The following SH3RF3 variants were observed in gnomAD, a reference collection of about 807,000 sequenced individuals.
The protein encoded by SH3RF3 is E3 ubiquitin-protein ligase SH3RF3.
A neutral mutation model predicts 66.3 loss-of-function variants in SH3RF3; 29 were observed. The observed-to-expected ratio is 0.44, with a 90% CI of 0.33 to 0.60. SH3RF3 has a LOEUF of 0.60. SH3RF3 is among the 20% of genes least tolerant of loss of function. The pLI is 0.04. For missense variants in SH3RF3, 1,194 were observed against 1,190.9 expected (o/e 1.00, Z -0.04); for synonymous variants, 583 against 532.0 (o/e 1.10, Z -1.32).
At chr2:109,466,251 T>A (rs956765052) in intron 8 of SH3RF3, among the ~76,000 whole-genome samples, 17 of 151,866 alleles carry the variant, frequency 1.1e-4, no homozygotes, top group Non-Finnish European at 5.9e-5. Flanking sequence ...CCCAGCTAAT[T>A]TTTGTATTTT....
intron 1 of SH3RF3, among the ~76,000 whole-genome samples, chr2:109,230,452 T>C (rs1679480134): frequency 6.6e-6 from 1 of 152,086 alleles, no homozygotes; most frequent in African/African-American, 2.4e-5. Context: ...TGATGGTGCA[T>C]GCCTGTTATC....
chr2:109,389,513 G>A (rs1422468204), intron 3 of SH3RF3, among the ~76,000 whole-genome samples: 1 of 152,102 alleles, frequency 6.6e-6, no homozygotes, highest in Non-Finnish European at 1.5e-5. Context: ...ATTCTATTCC[G>A]TTTCTTAAAA....
At chr2:109,469,171 C>T (rs1487944132) in intron 8 of SH3RF3, among the ~76,000 whole-genome samples, 1 of 152,224 alleles carries the variant, frequency 6.6e-6, no homozygotes, top group Non-Finnish European at 1.5e-5. Flanking sequence ...CAGCATTCCA[C>T]AGCCCGTGCT....
At chr2:109,496,840 A>T (rs1199998378) in intron 9 of SH3RF3, among the ~76,000 whole-genome samples, 1 of 152,220 alleles carries the variant, frequency 6.6e-6, no homozygotes, top group African/African-American at 2.4e-5. Flanking sequence ...AAATAAAGAG[A>T]TTACCCGGGA....
intron 3 of SH3RF3, among the ~76,000 whole-genome samples, chr2:109,373,956 C>T (rs115551072): frequency 0.019 from 2,917 of 152,222 alleles, 92 homozygotes; most frequent in African/African-American, 0.061. Context: ...GGCTCTCTGT[C>T]ATCTCTTCCT....
chr2:109,130,354 C>T (rs1360390487), intron 1 of SH3RF3, among the ~76,000 whole-genome samples: 2 of 152,226 alleles, frequency 1.3e-5, no homozygotes, highest in African/African-American at 4.8e-5. Context: ...CCTGTCCCGT[C>T]GCTCACCCCC....
chr2:109,265,041 T>C (rs774881864), intron 1 of SH3RF3, among the ~76,000 whole-genome samples: 57 of 152,372 alleles, frequency 3.7e-4, no homozygotes, highest in Non-Finnish European at 5.6e-4. Context: ...CCAGCTCTTG[T>C]GGACCGCAGT....
At chr2:109,480,007 C>G (rs549202344) in intron 8 of SH3RF3, among the ~76,000 whole-genome samples, 1 of 152,294 alleles carries the variant, frequency 6.6e-6, no homozygotes, top group South Asian at 2.1e-4. Context: ...TCATCACAGC[C>G]TGAGGGAAGC....
chr2:109,354,622 G>A (rs1052030686), intron 2 of SH3RF3, among the ~76,000 whole-genome samples: 36 of 152,252 alleles, frequency 2.4e-4, no homozygotes, highest in African/African-American at 8.2e-4. Flanking sequence ...TGATATGTGA[G>A]CTGCGATATT....
intron 1 of SH3RF3, among the ~76,000 whole-genome samples, chr2:109,342,047 T>TTCA (rs1325291836): frequency 6.6e-6 from 1 of 152,244 alleles, no homozygotes; most frequent in African/African-American, 2.4e-5. Context: ...GACGAATGTG[T>TTCA]TCATCTTCCT....
In SH3RF3 at chr2:109,476,822, G is replaced by A. The variant is rs902484917; in HGVS notation, c.2149-13783G>A. Among the ~76,000 whole-genome samples the A allele has an allele frequency of 4.6e-5, 7 of 152,278 alleles. No homozygotes were observed. The East Asian group carries it at 9.7e-4, about 21-fold the overall frequency. On this transcript the variant is annotated intron_variant, in intron 8 of 9. Coordinates refer to ENST00000309415, the MANE Select transcript of SH3RF3 (RefSeq NM_001099289.3). ...TTTCTTGATGATAAGCTAAACAAGG[G>A]GTGGATTATTCACACCTCCCCTTAT...
intron 3 of SH3RF3, among the ~76,000 whole-genome samples, chr2:109,380,761 C>A (rs1293939127): frequency 6.6e-6 from 1 of 152,206 alleles, no homozygotes; most frequent in Non-Finnish European, 1.5e-5. Context: ...CCACCTTAGC[C>A]AGGCAATCCC....
chr2:109,407,743 G>GA (rs1676484673), intron 4 of SH3RF3, among the ~76,000 whole-genome samples: 1 of 100,886 alleles, frequency 9.9e-6, no homozygotes, highest in African/African-American at 4.4e-5. Context: ...AGCCTGGGAT[G>GA]AATAAAAAAA....
At chr2:109,464,410 T>C (rs1188045545) in intron 8 of SH3RF3, among the ~76,000 whole-genome samples, 1 of 152,164 alleles carries the variant, frequency 6.6e-6, no homozygotes, top group Non-Finnish European at 1.5e-5. Flanking sequence ...AAAATACACA[T>C]ACAAACATGA....
chr2:109,497,915 T>C (rs1405779954), intron 9 of SH3RF3, among the ~76,000 whole-genome samples: 1 of 152,234 alleles, frequency 6.6e-6, no homozygotes, highest in East Asian at 1.9e-4. Context: ...CTTTCTTTCC[T>C]TGGGGAAGAG....
intron 7 of SH3RF3, among the ~76,000 whole-genome samples, chr2:109,446,261 A>G (rs1677700844): frequency 6.6e-6 from 1 of 152,126 alleles, no homozygotes; most frequent in Non-Finnish European, 1.5e-5. Flanking sequence ...CGGAAGTGAC[A>G]TGGCTGGGGT....
At chr2:109,384,497 G>T (rs2104390018) in intron 3 of SH3RF3, among the ~76,000 whole-genome samples, 1 of 152,084 alleles carries the variant, frequency 6.6e-6, no homozygotes, top group Admixed American at 6.5e-5. Context: ...CAGGTGGGAG[G>T]AGAGGGGTTG....
chr2:109,403,439 G>T (rs552058721), intron 4 of SH3RF3, among the ~76,000 whole-genome samples: 8 of 152,358 alleles, frequency 5.3e-5, no homozygotes, highest in African/African-American at 1.9e-4. Context: ...GGCCCCAGGG[G>T]TAGTGGTGAC....
chr2:109,424,433 C>T (rs975449977), intron 5 of SH3RF3, among the ~76,000 whole-genome samples: 1 of 152,202 alleles, frequency 6.6e-6, no homozygotes, highest in African/African-American at 2.4e-5. Context: ...CACAGGCAAA[C>T]CTCATTTCAT....
Sources: allele counts gnomAD v4.1 joint callset (sites outside exome capture counted in the v4.1 genomes callset), GRCh38; gene constraint gnomAD v4.1.1; transcripts MANE v1.5; gene names NCBI Gene and HGNC (gene_info 2026-07-23, HGNC 2026-07-21).